The following CES1 variants were observed in gnomAD, a reference collection of about 807,000 sequenced individuals.
CES1 encodes the protein carboxylesterase 1, also known as liver carboxylesterase 1.
CES1 carries 50 observed loss-of-function variants against 53.0 expected under a neutral mutation model. The observed-to-expected ratio is 0.94, with a 90% confidence interval of 0.75 to 1.19. The LOEUF is 1.19. Ranked by LOEUF, CES1 falls within the 50% of genes most tolerant of loss-of-function variation. The pLI, the probability that CES1 is intolerant of heterozygous loss-of-function variation, is 0.00. For missense variants in CES1, 534 were observed against 538.0 expected (o/e 0.99, Z 0.07); for synonymous variants, 202 against 210.1 (o/e 0.96, Z 0.33).
intron 10 of CES1, 122 bp downstream of exon 10, chr16:55,810,805 G>T: frequency 7.1e-7 from 1 of 1,402,972 alleles, no homozygotes; most frequent in Non-Finnish European, 1.0e-6. Context: ...TGGGAAAGGT[G>T]GAAAGATGGG....
chr16:55,813,185 AG>A (rs1376985005), intron 8 of CES1, 142 bp from the exon 9 acceptor site: 6 of 1,144,270 alleles, frequency 5.2e-6, no homozygotes, highest in South Asian at 5.2e-5. Context: ...ATCCTAACTT[AG>A]GGGGGTAGGT....
chr16:55,827,197 C>T (rs1454593102), intron 2 of CES1, among the ~76,000 whole-genome samples: 1 of 151,824 alleles, frequency 6.6e-6, no homozygotes, highest in Non-Finnish European at 1.5e-5. Context: ...TCTCAAGTGA[C>T]AGAATCAGAG....
At chr16:55,832,780 G>C (rs2032733930) in intron 1 of CES1, among the ~76,000 whole-genome samples, 2 of 152,354 alleles carry the variant, frequency 1.3e-5, no homozygotes, top group South Asian at 4.1e-4. Context: ...CTGCATTTGG[G>C]CGAGCAGTAC....
chr16:55,818,249 G>T (rs1306268407), intron 7 of CES1, among the ~76,000 whole-genome samples: 2 of 152,208 alleles, frequency 1.3e-5, no homozygotes, highest in African/African-American at 4.8e-5. Context: ...GGTCTTCCCT[G>T]TGATGAGAGA....
intron 2 of CES1, 24 bp downstream of exon 2, chr16:55,828,743 C>T (rs377334556): frequency 9.3e-6 from 15 of 1,614,120 alleles, no homozygotes; most frequent in Non-Finnish European, 1.1e-5. Flanking sequence ...GTAAACATCC[C>T]CAAGGACACA....
intron 2 of CES1, among the ~76,000 whole-genome samples, chr16:55,827,518 G>A (rs2032466238): frequency 6.6e-6 from 1 of 151,874 alleles, no homozygotes; most frequent in South Asian, 2.1e-4. Flanking sequence ...ATTTTGGGAG[G>A]GAAATCAAAC....
chr16:55,814,431 G>A (rs1158186205), intron 8 of CES1, among the ~76,000 whole-genome samples: 6 of 152,248 alleles, frequency 3.9e-5, no homozygotes, highest in African/African-American at 1.2e-4. Flanking sequence ...TTTGAAACCA[G>A]ATTAACTGCA....
chr16:55,825,591 G>A (rs1263632805), intron 3 of CES1, among the ~76,000 whole-genome samples: 4 of 152,246 alleles, frequency 2.6e-5, no homozygotes, highest in East Asian at 3.8e-4. Flanking sequence ...CCCAACATCC[G>A]TACCTGGACA....
chr16:55,832,522 A>C (rs1350934534), intron 1 of CES1, among the ~76,000 whole-genome samples: 1 of 152,186 alleles, frequency 6.6e-6, no homozygotes, highest in Non-Finnish European at 1.5e-5. Flanking sequence ...GGTAGGCAGC[A>C]CTGCCACCTC....
chr16:55,828,243 C>T, intron 2 of CES1: 1 of 222,914 alleles, frequency 4.5e-6, no homozygotes, highest in Non-Finnish European at 9.1e-6. Context: ...CATTGTTCTC[C>T]TCAGGAATAG....
At chr16:55,832,869 G>C (rs2032737803) in intron 1 of CES1, 135 bp downstream of exon 1, 1 of 878,192 alleles carries the variant, frequency 1.1e-6, no homozygotes, top group Admixed American at 1.8e-5. Context: ...CCAAGTCCAA[G>C]TCCTAATATG....
chr16:55,826,790 T>G (rs1424998412), intron 2 of CES1, among the ~76,000 whole-genome samples: 2 of 152,190 alleles, frequency 1.3e-5, no homozygotes, highest in African/African-American at 4.8e-5. Context: ...ATGCCAAGAT[T>G]CTACCACCTG....
At chr16:55,817,684 G>A (rs1429964159) in intron 7 of CES1, among the ~76,000 whole-genome samples, 1 of 151,932 alleles carries the variant, frequency 6.6e-6, no homozygotes, top group East Asian at 1.9e-4. Flanking sequence ...GTGTCTGTGT[G>A]TGGCTCTTTG....
chr16:55,823,034 G>T (rs1279844595), intron 4 of CES1, among the ~76,000 whole-genome samples: 1 of 152,060 alleles, frequency 6.6e-6, no homozygotes, highest in Non-Finnish European at 1.5e-5. Context: ...CAGAAAATGA[G>T]CTGAGTGGGT....
intron 9 of CES1, among the ~76,000 whole-genome samples, chr16:55,811,284 G>C (rs1340944542): frequency 6.6e-6 from 1 of 151,334 alleles, no homozygotes; most frequent in Non-Finnish European, 1.5e-5. Context: ...GTGCGCGCGT[G>C]TGTGTGTGTG....
At chr16:55,810,099 A>G (rs1396194631) in intron 11 of CES1, among the ~76,000 whole-genome samples, 1 of 152,058 alleles carries the variant, frequency 6.6e-6, no homozygotes, top group Admixed American at 6.6e-5. Flanking sequence ...AACCAATGAC[A>G]AGTAGAAGCT....
rs574828478 is a variant in CES1, at chr16:55,810,192, G to A, written c.1318+325C>T. Among the ~76,000 whole-genome samples, 69 of 152,216 alleles carry A rather than the reference G, an allele frequency of 4.5e-4. 1 individual carries two copies. Among genetic ancestry groups the A allele is most frequent in the Admixed American group, 1.6e-3 (24 of 15,298 alleles). On this transcript the variant is annotated intron_variant, in intron 11 of 13. Coordinates refer to ENST00000360526, the MANE Select transcript of CES1 (RefSeq NM_001025195.2). ...TCTTGGTGTTTCCTTGAGTTTCCCCGCTCCAGTTGTCCACAGTGGATACTC... is the reference window on the plus strand; with the variant it reads ...TCTTGGTGTTTCCTTGAGTTTCCCCACTCCAGTTGTCCACAGTGGATACTC...
chr16:55,826,071 C>T, intron 3 of CES1, 80 bp downstream of exon 3: 2 of 1,585,070 alleles, frequency 1.3e-6, no homozygotes, highest in Non-Finnish European at 1.7e-6. Context: ...CCCAAGCTGC[C>T]TTCACTCCCT....
chr16:55,810,686 C>A, intron 10 of CES1, 22 bp from the exon 11 acceptor site: 1 of 1,613,848 alleles, frequency 6.2e-7, no homozygotes, highest in African/African-American at 1.3e-5. Flanking sequence ...CAAAAAGTGA[C>A]CACCAGCCCC....
Sources: gnomAD v4.1 joint callset for allele counts (sites outside exome capture counted in the v4.1 genomes callset) on GRCh38, gnomAD v4.1.1 for gene constraint, MANE v1.5 for transcripts, NCBI Gene and HGNC (gene_info 2026-07-23, HGNC 2026-07-21) for gene names.